The following ZNRF3 variants were observed in gnomAD, a reference collection of about 807,000 sequenced individuals.
ZNRF3 encodes the protein zinc and ring finger 3, also known as E3 ubiquitin-protein ligase ZNRF3.
A neutral mutation model predicts 72.5 loss-of-function variants in ZNRF3; 23 were observed. That is an observed-to-expected ratio of 0.32 (90% CI 0.23 to 0.45). ZNRF3 has a LOEUF of 0.45. Among genes scored for constraint, ZNRF3 ranks in the 20% least tolerant of loss-of-function variants. The pLI, the probability that ZNRF3 is intolerant of heterozygous loss-of-function variation, is 1.00. For synonymous variants in ZNRF3, 610 were observed against 545.3 expected (o/e 1.12, Z -1.65); for missense variants, 1,169 against 1,272.1 (o/e 0.92, Z 1.23).
intron 1 of ZNRF3, among the ~76,000 whole-genome samples, chr22:28,981,019 C>A (rs1394020267): frequency 1.3e-5 from 2 of 152,182 alleles, no homozygotes; most frequent in Non-Finnish European, 1.5e-5. Context: ...ATGCCTATAA[C>A]TTTTAAATGC....
At chr22:28,962,664 A>C (rs1439462451) in intron 1 of ZNRF3, among the ~76,000 whole-genome samples, 1 of 152,218 alleles carries the variant, frequency 6.6e-6, no homozygotes, top group African/African-American at 2.4e-5. Context: ...TCTACCCATG[A>C]GGATACATGC....
Position 29,056,519 on chromosome 22 carries a change from G to C in ZNRF3, c.*2897G>C, listed in dbSNP as rs186595948. ...GTAAATCAAAAGAAATGTCCTCTTT[G>C]AAGTTGTAAGACTCCACCAATGACA... On this transcript the variant is annotated 3_prime_UTR_variant, in exon 9 of 9. Transcript: ENST00000544604. The C allele has an allele frequency of 6.6e-6, 1 of 152,308 alleles. No individual in the cohort carries two copies. The highest frequency in any genetic ancestry group is 1.9e-4 in the East Asian group (1 of 5,192). 9.4% of individuals were successfully genotyped at this position (152,308 alleles called of 1,614,324 possible). A position where few individuals can be genotyped will look rare whatever the true frequency, so the allele number is the denominator to read the frequency against.
At chr22:28,939,519 C>T (rs936934947) in intron 1 of ZNRF3, among the ~76,000 whole-genome samples, 4 of 152,002 alleles carry the variant, frequency 2.6e-5, no homozygotes, top group Admixed American at 1.3e-4. Context: ...CGAAATCCCC[C>T]GGTCTTTTAT....
rs186001901 is a variant in ZNRF3 at position 28,979,448 on chromosome 22, C to G, written c.301-7628C>G. Among the ~76,000 whole-genome samples, 1,237 of 152,248 alleles carry G rather than the reference C, an allele frequency of 8.1e-3. 12 individuals carry two copies. The highest frequency in any genetic ancestry group is 0.012 in the Non-Finnish European group (812 of 68,024). ...GGTCTCTGTGTATAGAAAGCAGTAGCCACCCCAGCGTTCTTGGGCTGCTGT... is the reference window on the plus strand; with the variant it reads ...GGTCTCTGTGTATAGAAAGCAGTAGGCACCCCAGCGTTCTTGGGCTGCTGT... On this transcript the variant is annotated intron_variant, in intron 1 of 8. Coordinates refer to ENST00000544604, the MANE Select transcript of ZNRF3 (RefSeq NM_001206998.2).
chr22:28,937,369 T>C (rs112456584), intron 1 of ZNRF3, among the ~76,000 whole-genome samples: 6 of 151,686 alleles, frequency 4.0e-5, no homozygotes, highest in East Asian at 1.9e-4. Flanking sequence ...AACAGGTCAG[T>C]GTGAGCTTGA....
At chr22:29,032,272 A>G (rs1183106374) in intron 2 of ZNRF3, among the ~76,000 whole-genome samples, 1 of 152,174 alleles carries the variant, frequency 6.6e-6, no homozygotes, top group East Asian at 1.9e-4. Context: ...CTTTTGGTAA[A>G]GGTACTAAGG....
chr22:29,053,502 G>A (rs369778899), intron 8 of ZNRF3, 77 bp from the exon 9 acceptor site: 27 of 1,459,746 alleles, frequency 1.8e-5, no homozygotes, highest in African/African-American at 4.2e-5. Flanking sequence ...CTGGGGACAG[G>A]GCCACCTGAG....
In ZNRF3 at chr22:29,050,307, C is replaced by T. The variant is rs763684662; in HGVS notation, c.2126C>T (p.Ser709Leu). ...TGGAAGGGGGGCCACGAGTTGCCGT[C>T]GTGTGCCTGCTGCTGCGAGCCCCAG... ...RTWKGGHELP[S>L]CACCCEPQPS... is the part of the protein sequence containing the mutation. Residue 709 changes from serine (S) to leucine (L), a missense_variant, in exon 8 of 9, where the codon TCG becomes TTG. This residue lies in a region of ZNRF3 where 783 missense variants were observed against 731.4 expected (regional missense o/e 1.07). Coordinates refer to ENST00000544604, the MANE Select transcript of ZNRF3 (RefSeq NM_001206998.2). 3.1e-6 allele frequency: 5 copies of T among 1,598,882 alleles called. No individual in the cohort carries two copies. Among genetic ancestry groups the T allele is most frequent in the African/African-American group, 1.3e-5 (1 of 74,864 alleles).
chr22:28,987,160 C>T lies in ZNRF3; in HGVS notation c.385C>T (p.Pro129Ser). The T allele has an allele frequency of 1.9e-6, 3 of 1,613,824 alleles. No individual in the cohort carries two copies. The highest frequency in any genetic ancestry group is 2.5e-6 in the Non-Finnish European group (3 of 1,179,902). ...GWVGVVKLEQ[P>S]ELDPKPCLTV... Reference sequence around the variant, plus strand: ...GGTAGGAGTGGTGAAGCTGGAACAGCCAGAATTGGACCCGAAACCATGCCT... The same window carrying T: ...GGTAGGAGTGGTGAAGCTGGAACAGTCAGAATTGGACCCGAAACCATGCCT... Residue 129 changes from proline to serine, a missense_variant, in exon 2 of 9, where the codon CCA (proline) becomes TCA (serine). This residue lies in a region of ZNRF3 where 386 missense variants were observed against 540.7 expected (regional missense o/e 0.71). Transcript: ENST00000544604.
intron 1 of ZNRF3, among the ~76,000 whole-genome samples, chr22:28,966,865 A>ATTTT (rs2035473085): frequency 1.5e-5 from 2 of 134,996 alleles, no homozygotes; most frequent in African/African-American, 6.3e-5. Context: ...AGTTTTAAAA[A>ATTTT]TCTTTTTTTT....
At chr22:28,971,446 A>G (rs1396383950) in intron 1 of ZNRF3, among the ~76,000 whole-genome samples, 1 of 152,166 alleles carries the variant, frequency 6.6e-6, no homozygotes, top group African/African-American at 2.4e-5. Flanking sequence ...TGAAACACCC[A>G]AGGACCTAAG....
At chr22:28,967,951 A>C (rs980529644) in intron 1 of ZNRF3, among the ~76,000 whole-genome samples, 2 of 151,870 alleles carry the variant, frequency 1.3e-5, no homozygotes, top group African/African-American at 4.8e-5. Flanking sequence ...AAAGAAAAAA[A>C]CACAACTATA....
rs1181601519 is a variant in ZNRF3, at chr22:29,054,333, G to A, written c.*711G>A. ...CCACAGCCCTGCGGAGCCAGGTCAA[G>A]CCGCTGCTATGAAAGCTCCAGGGTG... On this transcript the variant is annotated 3_prime_UTR_variant, in exon 9 of 9. Coordinates refer to ENST00000544604, the MANE Select transcript of ZNRF3 (RefSeq NM_001206998.2). The A allele has an allele frequency of 6.6e-6, 1 of 152,338 alleles. No individual in the cohort carries two copies. Among genetic ancestry groups the A allele is most frequent in the Non-Finnish European group, 1.5e-5 (1 of 68,138 alleles). The allele number at this position is 152,338 out of a possible 1,614,324, so 9.4% of individuals were successfully genotyped here.
intron 1 of ZNRF3, among the ~76,000 whole-genome samples, chr22:28,904,132 A>AC (rs1183776240): frequency 1.3e-5 from 2 of 152,104 alleles, no homozygotes; most frequent in African/African-American, 4.8e-5. Context: ...ACCCCAGAAA[A>AC]CAACTCCTAG....
At chr22:29,017,252 T>C (rs1388817611) in intron 2 of ZNRF3, among the ~76,000 whole-genome samples, 1 of 152,250 alleles carries the variant, frequency 6.6e-6, no homozygotes, top group Non-Finnish European at 1.5e-5. Context: ...CTGGCAGTGC[T>C]GGTGTCCCAT....
chr22:28,916,927 A>T (rs2034417073), intron 1 of ZNRF3, among the ~76,000 whole-genome samples: 1 of 152,066 alleles, frequency 6.6e-6, no homozygotes, highest in South Asian at 2.1e-4. Context: ...ACCGCCCAGG[A>T]TTTCCAAATT....
intron 1 of ZNRF3, among the ~76,000 whole-genome samples, chr22:28,914,436 TGAG>T (rs2034372329): frequency 6.6e-6 from 1 of 151,008 alleles, no homozygotes; most frequent in African/African-American, 2.4e-5. Flanking sequence ...GAAACTGAGA[TGAG>T]GAGTTTAAAT....
intron 8 of ZNRF3, 61 bp downstream of exon 8, chr22:29,051,009 C>T: frequency 9.5e-6 from 14 of 1,476,344 alleles, no homozygotes; most frequent in Non-Finnish European, 1.3e-5. Context: ...GTCTTGTCTT[C>T]TGTCTTAGGC....
At chr22:29,041,180 C>T (rs1020723023) in intron 2 of ZNRF3, among the ~76,000 whole-genome samples, 1 of 152,170 alleles carries the variant, frequency 6.6e-6, no homozygotes, top group Admixed American at 6.5e-5. Context: ...CAGGGTCTTG[C>T]TCTGTCACTC....
Sources: gnomAD v4.1 joint callset for allele counts (sites outside exome capture counted in the v4.1 genomes callset) on GRCh38, gnomAD v4.1.1 for gene constraint, gnomAD v4.1.1 regional missense constraint, MANE v1.5 for transcripts, NCBI Gene and HGNC (gene_info 2026-07-23, HGNC 2026-07-21) for gene names.